Variants in UST observed in about 807,000 individuals in gnomAD.
The protein encoded by UST is uronyl 2-sulfotransferase.
UST carries 21 observed loss-of-function variants against 45.6 expected under a neutral mutation model. The ratio of observed to expected loss-of-function variants is 0.46; its 90% CI spans 0.33 to 0.66. The LOEUF is 0.66. Among genes scored for constraint, UST ranks in the 30% least tolerant of loss-of-function variants. The probability of loss-of-function intolerance (pLI) is 0.02; values close to 1 mark genes in which losing one functional copy is unlikely to be tolerated. For missense variants in UST, 463 were observed against 512.4 expected (o/e 0.90, Z 0.93); for synonymous variants, 215 against 200.6 (o/e 1.07, Z -0.61).
At chr6:148,991,604 A>T (rs1010752252) in intron 5 of UST, among the ~76,000 whole-genome samples, 8 of 147,230 alleles carry the variant, frequency 5.4e-5, no homozygotes, top group Non-Finnish European at 1.2e-4. Flanking sequence ...GAATTCATAG[A>T]TATTTTATAT....
rs116311843 is a variant in UST at position 148,784,467 on chromosome 6, G to C, written c.247+36790G>C. Among the ~76,000 whole-genome samples, 197 of 152,326 alleles carry C rather than the reference G, an allele frequency of 1.3e-3. 1 individual carries two copies. The highest frequency in any genetic ancestry group is 4.6e-3 in the African/African-American group (192 of 41,572). On this transcript the variant is annotated intron_variant, in intron 1 of 7. Coordinates refer to ENST00000367463, the MANE Select transcript of UST (RefSeq NM_005715.3). ...AAATCCTCTCAAGTTCCACCAGTGA[G>C]TGAGCTGTGTACCCATTCACGAGGA...
At chr6:148,783,890 G>A (rs867130368) in intron 1 of UST, among the ~76,000 whole-genome samples, 19 of 152,026 alleles carry the variant, frequency 1.2e-4, no homozygotes, top group Admixed American at 5.9e-4. Flanking sequence ...ATCCAACCCC[G>A]CATTTTACAG....
At chr6:148,959,535 C>T (rs974550174) in intron 4 of UST, among the ~76,000 whole-genome samples, 1 of 152,218 alleles carries the variant, frequency 6.6e-6, no homozygotes, top group African/African-American at 2.4e-5. Context: ...TTGGCACTTT[C>T]TTCCTCATGT....
chr6:149,030,053 T>C (rs773304081), intron 7 of UST, among the ~76,000 whole-genome samples: 2 of 152,194 alleles, frequency 1.3e-5, no homozygotes, highest in Non-Finnish European at 2.9e-5. Context: ...TAAAACACTT[T>C]CATATAGATG....
intron 1 of UST, among the ~76,000 whole-genome samples, chr6:148,784,152 G>A (rs1043281323): frequency 6.6e-6 from 1 of 152,070 alleles, no homozygotes; most frequent in Non-Finnish European, 1.5e-5. Flanking sequence ...CATATTCGAT[G>A]TGGAAATGTA....
At chr6:148,960,784 A>G (rs900163841) in intron 4 of UST, among the ~76,000 whole-genome samples, 1 of 152,236 alleles carries the variant, frequency 6.6e-6, no homozygotes, top group Non-Finnish European at 1.5e-5. Context: ...AGTAATCTCT[A>G]CTATAATTGG....
At chr6:148,983,251 C>T (rs1781172545) in intron 5 of UST, among the ~76,000 whole-genome samples, 2 of 152,170 alleles carry the variant, frequency 1.3e-5, no homozygotes, top group Non-Finnish European at 2.9e-5. Flanking sequence ...TGGCAAGAAA[C>T]AATTAAACAT....
At chr6:148,941,208 G>C (rs909577026) in intron 2 of UST, 71 bp from the exon 3 acceptor site, 24 of 1,563,914 alleles carry the variant, frequency 1.5e-5, no homozygotes, top group Non-Finnish European at 2.1e-5. Flanking sequence ...TTATTGTTCT[G>C]AAATTGAGGG....
intron 1 of UST, among the ~76,000 whole-genome samples, chr6:148,825,131 G>A (rs1165675949): frequency 3.3e-5 from 5 of 152,132 alleles, no homozygotes; most frequent in Non-Finnish European, 7.4e-5. Context: ...GGCATGGTAT[G>A]GGGGTGAGAG....
At chr6:148,861,511 G>C (rs1778312526) in intron 1 of UST, among the ~76,000 whole-genome samples, 1 of 152,020 alleles carries the variant, frequency 6.6e-6, no homozygotes, top group Non-Finnish European at 1.5e-5. Context: ...GTTCTGTTCT[G>C]ATCTTAGTTA....
At chr6:148,950,967 C>T (rs1160645365) in intron 3 of UST, among the ~76,000 whole-genome samples, 1 of 152,208 alleles carries the variant, frequency 6.6e-6, no homozygotes, top group Non-Finnish European at 1.5e-5. Flanking sequence ...TCCAGAAAGG[C>T]TACTTGGAGG....
At chr6:148,789,416 T>C (rs1776793888) in intron 1 of UST, among the ~76,000 whole-genome samples, 2 of 148,710 alleles carry the variant, frequency 1.3e-5, no homozygotes, top group Non-Finnish European at 1.5e-5. Flanking sequence ...GATCTAGAGT[T>C]CTTGTGCAGA....
intron 7 of UST, chr6:149,027,834 T>TC (rs1170636338): frequency 9.0e-6 from 1 of 111,166 alleles, no homozygotes; most frequent in African/African-American, 3.6e-5. Context: ...CACTGAGTTA[T>TC]CCCCCCATCT....
intron 5 of UST, among the ~76,000 whole-genome samples, chr6:148,997,712 T>G (rs1221447569): frequency 6.6e-6 from 1 of 152,334 alleles, no homozygotes; most frequent in Middle Eastern, 3.4e-3. Flanking sequence ...TATAACATTA[T>G]GGAAAATTTT....
intron 2 of UST, among the ~76,000 whole-genome samples, chr6:148,902,804 G>T (rs957783018): frequency 1.3e-5 from 2 of 151,474 alleles, no homozygotes; most frequent in South Asian, 2.1e-4. Context: ...TGTCTTTTTT[G>T]CTCTACTGTC....
intron 1 of UST, among the ~76,000 whole-genome samples, chr6:148,810,731 A>AT (rs1331505192): frequency 6.6e-6 from 1 of 152,050 alleles, no homozygotes; most frequent in African/African-American, 2.4e-5. Flanking sequence ...AGGAAGAGCA[A>AT]TTTTTTTTAA....
intron 1 of UST, among the ~76,000 whole-genome samples, chr6:148,779,520 G>A (rs191525599): frequency 1.3e-5 from 2 of 152,284 alleles, no homozygotes; most frequent in East Asian, 1.9e-4. Flanking sequence ...AGAGAATTCC[G>A]GTCCTGGTCC....
At chr6:148,947,657 C>T (rs1780273241) in intron 3 of UST, among the ~76,000 whole-genome samples, 1 of 152,184 alleles carries the variant, frequency 6.6e-6, no homozygotes, top group African/African-American at 2.4e-5. Context: ...TCCTCATGAG[C>T]CTCTCTCTTT....
At chr6:149,060,531 T>G (rs550657945) in intron 7 of UST, among the ~76,000 whole-genome samples, 16 of 152,212 alleles carry the variant, frequency 1.1e-4, no homozygotes, top group Non-Finnish European at 1.9e-4. Context: ...ATTCAGGAAA[T>G]GAGTTTACTC....
Sources: gnomAD v4.1 joint callset for allele counts (sites outside exome capture counted in the v4.1 genomes callset) on GRCh38, gnomAD v4.1.1 for gene constraint, MANE v1.5 for transcripts, NCBI Gene and HGNC (gene_info 2026-07-23, HGNC 2026-07-21) for gene names.